The following HEMK2 variants were observed in gnomAD, a reference collection of about 807,000 sequenced individuals.
HEMK2 encodes the protein HemK methyltransferase 2, ETF1 glutamine and histone H4 lysine, also known as methyltransferase HEMK2.
the HEMK2 span, among the ~76,000 whole-genome samples, chr21:28,877,525 AAAG>A: frequency 6.7e-6 from 1 of 149,844 alleles, no homozygotes; most frequent in African/African-American, 2.5e-5. Flanking sequence ...GGAAAAAAGA[AAAG>A]AGAAGAGAAG....
At chr21:28,660,886 C>A in the HEMK2 span, among the ~76,000 whole-genome samples, 2 of 152,012 alleles carry the variant, frequency 1.3e-5, no homozygotes, top group African/African-American at 2.4e-5. Flanking sequence ...TATCTTTGAA[C>A]GAAGTATTCA....
the HEMK2 span, among the ~76,000 whole-genome samples, chr21:28,648,729 G>A: frequency 1.3e-5 from 2 of 152,040 alleles, no homozygotes; most frequent in Non-Finnish European, 2.9e-5. Flanking sequence ...CAAAACTCAG[G>A]TCTCTTGTCT....
At chr21:28,813,198 A>G in the HEMK2 span, among the ~76,000 whole-genome samples, 1 of 152,172 alleles carries the variant, frequency 6.6e-6, no homozygotes, top group Non-Finnish European at 1.5e-5. Context: ...TATATTTAGA[A>G]AACCCTATCG....
At chr21:28,838,661 C>G in the HEMK2 span, among the ~76,000 whole-genome samples, 4 of 151,354 alleles carry the variant, frequency 2.6e-5, no homozygotes, top group Non-Finnish European at 4.4e-5. Context: ...GATCTAGGGC[C>G]AGGCACAGTG....
chr21:28,805,239 C>T, the HEMK2 span, among the ~76,000 whole-genome samples: 1 of 152,194 alleles, frequency 6.6e-6, no homozygotes, highest in Non-Finnish European at 1.5e-5. Context: ...ACTCCATTTG[C>T]ACTCTGACTG....
chr21:28,603,589 GTGTGTT>G, the HEMK2 span, among the ~76,000 whole-genome samples: 13 of 145,102 alleles, frequency 9.0e-5, no homozygotes, highest in Non-Finnish European at 1.6e-4. Flanking sequence ...GTGTGTGTGT[GTGTGTT>G]TTAGGTTGCA....
the HEMK2 span, among the ~76,000 whole-genome samples, chr21:28,679,579 C>G: frequency 2.0e-5 from 3 of 152,172 alleles, no homozygotes; most frequent in Non-Finnish European, 2.9e-5. Flanking sequence ...CTCTCCACCC[C>G]AAATCAACAG....
At chr21:28,805,826 A>G in the HEMK2 span, among the ~76,000 whole-genome samples, 1 of 152,168 alleles carries the variant, frequency 6.6e-6, no homozygotes, top group African/African-American at 2.4e-5. Context: ...AAACTAATGT[A>G]TTTATAGGTG....
At chr21:28,757,189 C>T in the HEMK2 span, among the ~76,000 whole-genome samples, 2 of 151,862 alleles carry the variant, frequency 1.3e-5, no homozygotes, top group Non-Finnish European at 2.9e-5. Context: ...GTCATCCATG[C>T]TTAATTCAGG....
chr21:28,866,175 A>C, the HEMK2 span, among the ~76,000 whole-genome samples: 10,337 of 75,686 alleles, frequency 0.14, 1,912 homozygotes, highest in Middle Eastern at 0.2. Context: ...CAAAAAAAAA[A>C]ACACACACAC....
chr21:28,625,469 C>T, the HEMK2 span, among the ~76,000 whole-genome samples: 2 of 152,042 alleles, frequency 1.3e-5, no homozygotes, highest in African/African-American at 4.8e-5. Context: ...GCCTGGAATC[C>T]CAGCACTTCG....
chr21:28,690,728 A>T, the HEMK2 span, among the ~76,000 whole-genome samples: 10 of 152,176 alleles, frequency 6.6e-5, no homozygotes, highest in African/African-American at 1.2e-4. Flanking sequence ...CTTGCATTGT[A>T]TAGTCTTATC....
the HEMK2 span, among the ~76,000 whole-genome samples, chr21:28,837,805 A>T: frequency 0.049 from 7,487 of 152,306 alleles, 253 homozygotes; most frequent in Middle Eastern, 0.082. Flanking sequence ...AGATTAACCA[A>T]GAAAAGAAGA....
the HEMK2 span, among the ~76,000 whole-genome samples, chr21:28,623,310 C>T: frequency 1.3e-5 from 2 of 152,004 alleles, no homozygotes; most frequent in Non-Finnish European, 2.9e-5. Flanking sequence ...GTTAGAATAG[C>T]GATCATTAAA....
the HEMK2 span, among the ~76,000 whole-genome samples, chr21:28,593,652 G>A: frequency 1.7e-4 from 26 of 152,148 alleles, no homozygotes; most frequent in African/African-American, 5.8e-4. Flanking sequence ...ATGAATGTAT[G>A]TCAAAGAAAC....
At chr21:28,857,109 G>A in the HEMK2 span, among the ~76,000 whole-genome samples, 1 of 152,198 alleles carries the variant, frequency 6.6e-6, no homozygotes, top group Admixed American at 6.5e-5. Flanking sequence ...GTTTTACACA[G>A]AGTTTATAGT....
chr21:28,766,101 C>T, the HEMK2 span, among the ~76,000 whole-genome samples: 5 of 151,954 alleles, frequency 3.3e-5, no homozygotes, highest in African/African-American at 4.8e-5. Context: ...AGGAATTGAA[C>T]AATGAGAACA....
chr21:28,715,301 G>C, the HEMK2 span, among the ~76,000 whole-genome samples: 1 of 151,866 alleles, frequency 6.6e-6, no homozygotes, highest in Non-Finnish European at 1.5e-5. Context: ...GCAAGCATCT[G>C]TTATTTTTTT....
chr21:28,771,800 C>T, the HEMK2 span, among the ~76,000 whole-genome samples: 1 of 152,072 alleles, frequency 6.6e-6, no homozygotes, highest in Non-Finnish European at 1.5e-5. Flanking sequence ...ACAAAATCCT[C>T]TGTGAACACT....
Sources: gnomAD v4.1 joint callset for allele counts (sites outside exome capture counted in the v4.1 genomes callset) on GRCh38, gnomAD v4.1.1 for gene constraint, MANE v1.5 for transcripts, NCBI Gene and HGNC (gene_info 2026-07-23, HGNC 2026-07-21) for gene names.